Variants in PTPRD observed in about 807,000 individuals in gnomAD.
PTPRD encodes receptor-type tyrosine-protein phosphatase delta.
In PTPRD, 34 loss-of-function variants were observed where a neutral mutation model predicts 214.5. That is an observed-to-expected ratio of 0.16 (90% confidence interval 0.12 to 0.21). The LOEUF (loss-of-function observed/expected upper bound fraction) is 0.21. Ranked by LOEUF, PTPRD falls within the 10% of genes least tolerant of loss-of-function variation. The probability of loss-of-function intolerance (pLI) is 1.00; values close to 1 mark genes in which losing one functional copy is unlikely to be tolerated. For synonymous variants in PTPRD, 1,128 were observed against 845.7 expected (o/e 1.33, Z -5.79); for missense variants, 2,545 against 2,398.7 (o/e 1.06, Z -1.27).
chr9:9,746,249 C>G (rs2098456969), intron 6 of PTPRD, among the ~76,000 whole-genome samples: 1 of 151,998 alleles, frequency 6.6e-6, no homozygotes, highest in Non-Finnish European at 1.5e-5. Flanking sequence ...ACGACATGCT[C>G]AGGTCAAACT....
chr9:8,604,376 G>A (rs12340778), intron 14 of PTPRD, among the ~76,000 whole-genome samples: 9,996 of 152,214 alleles, frequency 0.066, 1,073 homozygotes, highest in African/African-American at 0.23. Flanking sequence ...ATGAATCACA[G>A]ATAGGGTGGG....
intron 11 of PTPRD, among the ~76,000 whole-genome samples, chr9:8,904,221 A>G (rs1363386769): frequency 6.6e-6 from 1 of 152,198 alleles, no homozygotes; most frequent in Non-Finnish European, 1.5e-5. Flanking sequence ...TTTATCTCCT[A>G]AGAACTACTA....
At chr9:9,836,792 T>C (rs1442258420) in intron 5 of PTPRD, among the ~76,000 whole-genome samples, 6 of 152,158 alleles carry the variant, frequency 3.9e-5, no homozygotes, top group Admixed American at 1.3e-4. Context: ...GGTTGTTAAA[T>C]GACTTACTAT....
intron 11 of PTPRD, among the ~76,000 whole-genome samples, chr9:8,792,560 G>A (rs2096271090): frequency 6.6e-6 from 1 of 152,172 alleles, no homozygotes; most frequent in South Asian, 2.1e-4. Context: ...TTGGACTACT[G>A]ACTTAAATTC....
At chr9:9,370,726 C>T (rs529028368) in intron 9 of PTPRD, among the ~76,000 whole-genome samples, 1 of 152,076 alleles carries the variant, frequency 6.6e-6, no homozygotes, top group Non-Finnish European at 1.5e-5. Flanking sequence ...TTTGTCCATT[C>T]AGTATGATAT....
At chr9:9,265,430 T>C (rs1938914105) in intron 9 of PTPRD, among the ~76,000 whole-genome samples, 1 of 151,510 alleles carries the variant, frequency 6.6e-6, no homozygotes, top group Non-Finnish European at 1.5e-5. Flanking sequence ...TTTTTTGTTT[T>C]TGTTTTTTTT....
At chr9:10,508,424 G>C (rs765739108) in intron 2 of PTPRD, among the ~76,000 whole-genome samples, 1 of 152,128 alleles carries the variant, frequency 6.6e-6, no homozygotes, top group South Asian at 2.1e-4. Context: ...AATACCACTG[G>C]ACCCAGCCAT....
intron 9 of PTPRD, among the ~76,000 whole-genome samples, chr9:9,355,969 T>C (rs1007004694): frequency 1.2e-4 from 18 of 151,276 alleles, no homozygotes; most frequent in Non-Finnish European, 2.2e-4. Flanking sequence ...ACCAGTAAGA[T>C]TAAACAAAAT....
At chr9:8,428,098 G>A (rs1430885891) in intron 35 of PTPRD, among the ~76,000 whole-genome samples, 19 of 152,142 alleles carry the variant, frequency 1.2e-4, no homozygotes, top group Admixed American at 1.2e-3. Flanking sequence ...CACACAGTTT[G>A]AGCTAGGGGC....
intron 2 of PTPRD, among the ~76,000 whole-genome samples, chr9:10,508,370 T>C (rs1261778851): frequency 6.6e-6 from 1 of 152,156 alleles, no homozygotes; most frequent in Non-Finnish European, 1.5e-5. Context: ...AGTTCAACCA[T>C]TGTGGAAGAC....
intron 14 of PTPRD, among the ~76,000 whole-genome samples, chr9:8,555,401 A>G (rs1288205391): frequency 6.6e-6 from 1 of 152,198 alleles, no homozygotes; most frequent in East Asian, 1.9e-4. Context: ...AGAAAAAACC[A>G]AAAAGACTAA....
chr9:10,482,289 T>G lies in PTPRD; in HGVS notation c.-600+130109A>C, dbSNP rs567584972. Among the ~76,000 whole-genome samples the G allele has an allele frequency of 1.1e-3, 160 of 152,112 alleles. 2 individuals are homozygous for G. Among genetic ancestry groups the G allele is most frequent in the East Asian group, 7.6e-3 (39 of 5,150 alleles). ...AGGAGGCTGAGGCAGGAGAATGGCATGAACCCGGGAGGTGGAGCTTACAGT... is the reference window on the plus strand; with the variant it reads ...AGGAGGCTGAGGCAGGAGAATGGCAGGAACCCGGGAGGTGGAGCTTACAGT... On this transcript the variant is annotated intron_variant, in intron 2 of 45. Transcript: ENST00000381196.
chr9:8,827,881 G>A (rs2097207368), intron 11 of PTPRD, among the ~76,000 whole-genome samples: 1 of 152,000 alleles, frequency 6.6e-6, no homozygotes, highest in Non-Finnish European at 1.5e-5. Flanking sequence ...GAAATCATGT[G>A]GATGAGTATC....
At chr9:8,605,804 T>A (rs749297432) in intron 14 of PTPRD, among the ~76,000 whole-genome samples, 1 of 152,144 alleles carries the variant, frequency 6.6e-6, no homozygotes, top group African/African-American at 2.4e-5. Flanking sequence ...TCTATGGAAG[T>A]TGGCAACATA....
chr9:8,405,011 C>G (rs1466906603), intron 35 of PTPRD, among the ~76,000 whole-genome samples: 5 of 152,154 alleles, frequency 3.3e-5, no homozygotes, highest in African/African-American at 1.2e-4. Flanking sequence ...GTTCTGTAAA[C>G]CTTATTTTAT....
chr9:10,475,547 C>T (rs2099057190), intron 2 of PTPRD, among the ~76,000 whole-genome samples: 1 of 152,068 alleles, frequency 6.6e-6, no homozygotes, highest in Non-Finnish European at 1.5e-5. Context: ...CCGAATTCTA[C>T]CACAGGTACA....
At chr9:9,000,949 C>T (rs560064518) in intron 11 of PTPRD, among the ~76,000 whole-genome samples, 2 of 151,996 alleles carry the variant, frequency 1.3e-5, no homozygotes, top group African/African-American at 4.8e-5. Flanking sequence ...CATACCTTAA[C>T]CATACAAACA....
At chr9:9,421,241 T>G (rs2078693339) in intron 8 of PTPRD, among the ~76,000 whole-genome samples, 2 of 151,622 alleles carry the variant, frequency 1.3e-5, no homozygotes, top group South Asian at 4.1e-4. Flanking sequence ...ACACTTTAAT[T>G]CTAAAAAGTC....
At chr9:9,577,172 C>T (rs1046757481) in intron 7 of PTPRD, among the ~76,000 whole-genome samples, 1 of 152,076 alleles carries the variant, frequency 6.6e-6, no homozygotes, top group African/African-American at 2.4e-5. Context: ...TAATTTTAGG[C>T]ATACAAGAAG....
Sources: gnomAD v4.1 joint callset for allele counts (sites outside exome capture counted in the v4.1 genomes callset) on GRCh38, gnomAD v4.1.1 for gene constraint, MANE v1.5 for transcripts, NCBI Gene and HGNC (gene_info 2026-07-23, HGNC 2026-07-21) for gene names.